STK38: variants seen among roughly 807,000 people sequenced by gnomAD.
STK38 encodes serine/threonine kinase 38, also known as serine/threonine-protein kinase 38.
Under a neutral mutation model 59.0 loss-of-function variants are expected in STK38, and 26 were observed. That is an observed-to-expected ratio of 0.44 (90% CI 0.32 to 0.61). The LOEUF is 0.61. Ranked by LOEUF, STK38 falls within the 20% of genes least tolerant of loss-of-function variation. The probability of loss-of-function intolerance (pLI) is 0.04; values close to 1 mark genes in which losing one functional copy is unlikely to be tolerated. For missense variants in STK38, 433 were observed against 566.0 expected, an observed-to-expected ratio of 0.76 and a Z score of 2.38; for synonymous variants, 175 against 176.6, an observed-to-expected ratio of 0.99 and a Z score of 0.07.
chr6:36,495,741 A>G lies in STK38; in HGVS notation c.*43T>C. On this transcript the variant is annotated 3_prime_UTR_variant, in exon 14 of 14. Coordinates refer to ENST00000229812, the MANE Select transcript of STK38 (RefSeq NM_007271.4). ...AGTGTGAGAGGAAAAGCATGATGTTATACAAAGAACTCTGCTCCACATAGG... is the reference window on the plus strand; with the variant it reads ...AGTGTGAGAGGAAAAGCATGATGTTGTACAAAGAACTCTGCTCCACATAGG... 6.2e-7 allele frequency: 1 copy of G among 1,611,784 alleles called. No homozygotes were observed. The highest frequency in any genetic ancestry group is 1.1e-5 in the South Asian group (1 of 91,010).
At position 36,534,754 on chromosome 6, in the gene STK38, T is replaced by C. The variant is rs1777746773; in HGVS notation, c.131+5318A>G. 2.0e-5 allele frequency among the ~76,000 whole-genome samples: 3 copies of C among 151,978 alleles called. No homozygotes were observed. In the South Asian group the frequency reaches 6.2e-4, roughly 31 times the overall value. ...AGTAAAACAGTGAGCACGTTTGCTCTTAAATCAAGAAGAAAACAAAGATAT... is the reference window on the plus strand; with the variant it reads ...AGTAAAACAGTGAGCACGTTTGCTCCTAAATCAAGAAGAAAACAAAGATAT... On this transcript the variant is annotated intron_variant, in intron 2 of 13. Coordinates refer to ENST00000229812, the MANE Select transcript of STK38 (RefSeq NM_007271.4).
intron 2 of STK38, among the ~76,000 whole-genome samples, chr6:36,529,178 G>T (rs992505397): frequency 6.6e-6 from 1 of 152,138 alleles, no homozygotes; most frequent in Non-Finnish European, 1.5e-5. Context: ...GGTGGCATTT[G>T]CATTATGCAA....
chr6:36,536,828 A>G lies in STK38; in HGVS notation c.131+3244T>C, dbSNP rs1301872265. ...TGGGATTACAGGTGTGAGCCACCGCACCTGGCCCAAATTAGTTAATTTTTT... is the reference window on the plus strand; with the variant it reads ...TGGGATTACAGGTGTGAGCCACCGCGCCTGGCCCAAATTAGTTAATTTTTT... On this transcript the variant is annotated intron_variant, in intron 2 of 13. Transcript: ENST00000229812. Among the ~76,000 whole-genome samples the G allele has an allele frequency of 2.6e-5, 4 of 151,404 alleles. No individual in the cohort carries two copies. In the East Asian group the frequency reaches 5.8e-4, roughly 22 times the overall value.
intron 10 of STK38, 56 bp from the exon 11 acceptor site, chr6:36,498,542 G>T: frequency 6.4e-7 from 1 of 1,554,256 alleles, no homozygotes; most frequent in South Asian, 1.2e-5. Context: ...GAATCTGACC[G>T]AGATTACTCT....
rs188862538 is a variant in STK38, at chr6:36,516,693, G to A, written c.514+1024C>T. ...TGCTACCCCAGTAAGGTAGCTATACGGCCTTAGTTCTGTGGCTCAGGAGAG... is the reference window on the plus strand; with the variant it reads ...TGCTACCCCAGTAAGGTAGCTATACAGCCTTAGTTCTGTGGCTCAGGAGAG... On this transcript the variant is annotated intron_variant, in intron 6 of 13. Coordinates refer to ENST00000229812, the MANE Select transcript of STK38 (RefSeq NM_007271.4). Among the ~76,000 whole-genome samples, 10 of 152,304 alleles carry A rather than the reference G, an allele frequency of 6.6e-5. No homozygotes were observed. The East Asian group carries it at 1.7e-3, about 26-fold the overall frequency.
At chr6:36,523,549 C>G (rs977969471) in intron 4 of STK38, among the ~76,000 whole-genome samples, 1 of 144,534 alleles carries the variant, frequency 6.9e-6, no homozygotes, top group Admixed American at 6.9e-5. Context: ...AGTGAGCCAC[C>G]GTGCCTGGCC....
intron 8 of STK38, 38 bp from the exon 9 acceptor site, chr6:36,506,682 A>G (rs769870830): frequency 6.3e-7 from 1 of 1,593,382 alleles, no homozygotes; most frequent in South Asian, 1.1e-5. Context: ...CAAAGTTCAG[A>G]CCAAAATGTT....
Position 36,507,580 on chromosome 6 carries a change from A to G in STK38, c.692T>C (p.Phe231Ser). 1 of 1,614,126 alleles carries G rather than the reference A, an allele frequency of 6.2e-7. No individual in the cohort carries two copies. The highest frequency in any genetic ancestry group is 8.5e-7 in the Non-Finnish European group (1 of 1,179,994). ...DSKGHVKLSD[F>S]GLCTGLKKAH... is the part of the protein sequence containing the mutation. ...TTTTTTCAGTCCTGTGCAAAGACCAAAGTCAGAAAGTTTCACATGGCCCTA... is the reference window on the plus strand; with the variant it reads ...TTTTTTCAGTCCTGTGCAAAGACCAGAGTCAGAAAGTTTCACATGGCCCTA... The change falls in exon 8 of 14, where the codon TTT (phenylalanine) becomes TCT (serine). Residue 231 changes from phenylalanine (F) to serine (S), a missense_variant. By Grantham distance (155) the Phe-to-Ser change is radical (BLOSUM62 -2). Around this residue, in one of 3 missense-constraint regions of STK38, gnomAD observed 293 missense variants for 388.2 expected, o/e 0.75. Transcript: ENST00000229812.
chr6:36,504,898 CAAAAAAAAAAAAAA>C (rs562032331), intron 9 of STK38, among the ~76,000 whole-genome samples: 9,981 of 64,874 alleles, frequency 0.15, 563 homozygotes, highest in South Asian at 0.21. Context: ...TCCTGGCCTC[CAAAAAAAAAAAAAA>C]AAAAAAAAAA....
intron 9 of STK38, among the ~76,000 whole-genome samples, chr6:36,501,242 C>T (rs543830947): frequency 7.2e-5 from 11 of 152,146 alleles, no homozygotes; most frequent in Admixed American, 4.6e-4. Flanking sequence ...TGTGAGCCAC[C>T]GCACCTGACC....
chr6:36,525,709 C>T, intron 2 of STK38, 67 bp from the exon 3 acceptor site: 1 of 1,312,474 alleles, frequency 7.6e-7, no homozygotes. Context: ...AATTCTGTAA[C>T]TTAATACTGT....
chr6:36,500,035 G>T lies in STK38; in HGVS notation c.835-45C>A, dbSNP rs768550116. On this transcript the variant is annotated intron_variant, in intron 9 of 13. Coordinates refer to ENST00000229812, the MANE Select transcript of STK38 (RefSeq NM_007271.4). ...TCAGCGAGGCCCAGCCAGGCAGGAGGTGCCCAGAGTTCTGTTCTAGAAACC... is the reference window on the plus strand; with the variant it reads ...TCAGCGAGGCCCAGCCAGGCAGGAGTTGCCCAGAGTTCTGTTCTAGAAACC... The T allele has an allele frequency of 2.0e-6, 3 of 1,465,994 alleles. No homozygotes were observed. In the East Asian group the frequency reaches 6.8e-5, roughly 33 times the overall value. The allele number at this position is 1,465,994 out of a possible 1,614,324, so 90.8% of individuals were successfully genotyped here. A position where few individuals can be genotyped will look rare whatever the true frequency, so the allele number is the denominator to read the frequency against.
intron 6 of STK38, among the ~76,000 whole-genome samples, chr6:36,517,093 AAAG>A: frequency 6.8e-6 from 1 of 147,882 alleles, no homozygotes; most frequent in East Asian, 2.1e-4. Flanking sequence ...TAGGAACAAA[AAAG>A]AAAAAAGTTC....
chr6:36,539,294 G>A (rs532295657), intron 2 of STK38, among the ~76,000 whole-genome samples: 1 of 151,556 alleles, frequency 6.6e-6, no homozygotes, highest in Admixed American at 6.6e-5. Flanking sequence ...GCTGAGGCAC[G>A]AGAACCGCTT....
rs766513181 is a variant in STK38, at chr6:36,498,499, A to G, written c.953-13T>C. 1.9e-6 allele frequency: 3 copies of G among 1,606,484 alleles called. No homozygotes were observed. The African/African-American group carries it at 4.0e-5, about 22-fold the overall frequency. On this transcript the variant is annotated splice_polypyrimidine_tract_variant and intron_variant, in intron 10 of 13. Coordinates refer to ENST00000229812, the MANE Select transcript of STK38 (RefSeq NM_007271.4). ...AAAGGTGGGTAGCCTGTAATAAAAA[A>G]GGAACTTCGGAGCTTTTACACTCCA...
chr6:36,543,145 A>C (rs2127493617), intron 1 of STK38, among the ~76,000 whole-genome samples: 1 of 151,132 alleles, frequency 6.6e-6, no homozygotes, highest in South Asian at 2.1e-4. Flanking sequence ...GCTCACTCCA[A>C]GCTCCGCCTC....
At chr6:36,501,116 CTAATTTTT>C (rs1776827756) in intron 9 of STK38, among the ~76,000 whole-genome samples, 1 of 152,040 alleles carries the variant, frequency 6.6e-6, no homozygotes, top group Non-Finnish European at 1.5e-5. Context: ...CCACACCTGG[CTAATTTTT>C]TAATTTTTTT....
chr6:36,527,620 TG>T (rs1777563752), intron 2 of STK38, among the ~76,000 whole-genome samples: 1 of 151,704 alleles, frequency 6.6e-6, no homozygotes, highest in Non-Finnish European at 1.5e-5. Flanking sequence ...CATGCAGTAA[TG>T]TTTTTGATCT....
chr6:36,534,728 T>C (rs1157952331), intron 2 of STK38, among the ~76,000 whole-genome samples: 1 of 151,954 alleles, frequency 6.6e-6, no homozygotes, highest in African/African-American at 2.4e-5. Flanking sequence ...AGGGCATCTT[T>C]AGTAAAACAG....
Sources: gnomAD v4.1 joint callset for allele counts (sites outside exome capture counted in the v4.1 genomes callset) on GRCh38, gnomAD v4.1.1 for gene constraint, gnomAD v4.1.1 regional missense constraint, MANE v1.5 for transcripts, NCBI Gene and HGNC (gene_info 2026-07-23, HGNC 2026-07-21) for gene names.